PAK1: variants seen among roughly 807,000 people sequenced by gnomAD.
PAK1 encodes p21 (RAC1) activated kinase 1, also known as serine/threonine-protein kinase PAK 1.
Under a neutral mutation model 67.4 loss-of-function variants are expected in PAK1, and 29 were observed. That is an observed-to-expected ratio of 0.43 (90% CI 0.32 to 0.59). The LOEUF (loss-of-function observed/expected upper bound fraction) is 0.59, where lower values mean the gene tolerates loss of function less well. Ranked by LOEUF, PAK1 falls within the 20% of genes least tolerant of loss-of-function variation. The pLI is 0.07. For synonymous variants in PAK1, 223 were observed against 237.4 expected, an observed-to-expected ratio of 0.94 and a Z score of 0.56; for missense variants, 337 against 670.7, an observed-to-expected ratio of 0.50 and a Z score of 5.50.
chr11:77,520,827 G>A, the PAK1 span, among the ~76,000 whole-genome samples: 1 of 152,130 alleles, frequency 6.6e-6, no homozygotes, highest in Non-Finnish European at 1.5e-5. Flanking sequence ...TCTCTTCCTA[G>A]CAAATACGCG....
Position 77,426,078 on chromosome 11 carries a change from CTT to C in PAK1, c.-21-33539_-21-33538del, listed in dbSNP as rs35602138. Among the ~76,000 whole-genome samples, 319 of 117,206 alleles carry C rather than the reference CTT, an allele frequency of 2.7e-3. 4 individuals carry two copies. Among genetic ancestry groups the C allele is most frequent in the South Asian group, 0.011 (42 of 3,698 alleles). The allele number at this position is 117,206 out of a possible 152,430, so 76.9% of individuals were successfully genotyped here. On this transcript the variant is annotated intron_variant, in intron 1 of 14. Transcript: ENST00000356341. ...TTCTTGACTTTTCAATTGAAGGCCT[CTT>C]TTTTTTTTTTTTTTTTTTTTTACAC...
the PAK1 span, among the ~76,000 whole-genome samples, chr11:77,480,294 T>A: frequency 0.75 from 112,915 of 150,762 alleles, 42,876 homozygotes; most frequent in South Asian, 0.91. Flanking sequence ...CTTTTTTTTT[T>A]AAAAAAAGTA....
chr11:77,381,444 G>A (rs541574570), intron 2 of PAK1, among the ~76,000 whole-genome samples: 1 of 152,224 alleles, frequency 6.6e-6, no homozygotes, highest in Non-Finnish European at 1.5e-5. Context: ...AAATTTGGGA[G>A]CAGACTTGCC....
At chr11:77,331,283 G>T (rs1941443921) in intron 14 of PAK1, among the ~76,000 whole-genome samples, 1 of 152,160 alleles carries the variant, frequency 6.6e-6, no homozygotes, top group Non-Finnish European at 1.5e-5. Flanking sequence ...TCCCATTACT[G>T]GGTATATACC....
At chr11:77,494,096 C>T in the PAK1 span, among the ~76,000 whole-genome samples, 4 of 152,096 alleles carry the variant, frequency 2.6e-5, no homozygotes, top group Non-Finnish European at 4.4e-5. Flanking sequence ...AACATGCATA[C>T]CCTATGACCC....
chr11:77,464,726 T>C (rs2135519648), intron 1 of PAK1, among the ~76,000 whole-genome samples: 2 of 152,360 alleles, frequency 1.3e-5, no homozygotes, highest in Middle Eastern at 3.4e-3. Flanking sequence ...TAGCTCAGCC[T>C]ACCCAACCTT....
At chr11:77,486,112 T>C in the PAK1 span, among the ~76,000 whole-genome samples, 1 of 152,252 alleles carries the variant, frequency 6.6e-6, no homozygotes, top group South Asian at 2.1e-4. Context: ...GAAGCTTGAC[T>C]GATACACACC....
rs115958534 is a variant in PAK1, at chr11:77,444,411, G to A, written c.-22+29141C>T. ...GAAGCTTATATTTTTAAGTTTCCCG[G>A]GTGTGGTCATGCTCAAAAACTATTG... On this transcript the variant is annotated intron_variant, in intron 1 of 14. Transcript: ENST00000356341. Among the ~76,000 whole-genome samples, 987 of 152,064 alleles carry A rather than the reference G, an allele frequency of 6.5e-3. 22 individuals carry two copies. The highest frequency in any genetic ancestry group is 0.023 in the African/African-American group (949 of 41,476).
At chr11:77,373,139 A>G (rs150608815) in intron 5 of PAK1, among the ~76,000 whole-genome samples, 152 of 152,270 alleles carry the variant, frequency 1.0e-3, no homozygotes, top group African/African-American at 3.6e-3. Flanking sequence ...AATGTCACTT[A>G]TTCACACCGG....
At chr11:77,392,181 T>C in intron 2 of PAK1, 150 bp downstream of exon 2, 1 of 538,626 alleles carries the variant, frequency 1.9e-6, no homozygotes, top group Admixed American at 3.6e-5. Flanking sequence ...TCCATTTTGC[T>C]TCAGCCACTG....
At chr11:77,440,130 A>G (rs778647719) in intron 1 of PAK1, among the ~76,000 whole-genome samples, 20 of 152,266 alleles carry the variant, frequency 1.3e-4, no homozygotes, top group Non-Finnish European at 7.3e-5. Context: ...TAAAATGAAT[A>G]TATCAGAAAA....
At chr11:77,402,656 G>A (rs1952870260) in intron 1 of PAK1, among the ~76,000 whole-genome samples, 1 of 152,060 alleles carries the variant, frequency 6.6e-6, no homozygotes, top group South Asian at 2.1e-4. Context: ...CAACCTCCCA[G>A]GAAACAATGA....
At chr11:77,387,471 G>C (rs528842460) in intron 2 of PAK1, among the ~76,000 whole-genome samples, 1 of 152,302 alleles carries the variant, frequency 6.6e-6, no homozygotes, top group African/African-American at 2.4e-5. Flanking sequence ...AGATAATTTA[G>C]GAAGACTTAG....
chr11:77,487,900 T>C, the PAK1 span, among the ~76,000 whole-genome samples: 7 of 152,264 alleles, frequency 4.6e-5, no homozygotes, highest in East Asian at 1.4e-3. Flanking sequence ...TGGCTTCTAT[T>C]GTAGAGCCCT....
chr11:77,487,950 A>T, the PAK1 span, among the ~76,000 whole-genome samples: 2 of 152,182 alleles, frequency 1.3e-5, no homozygotes, highest in African/African-American at 4.8e-5. Flanking sequence ...GGCAGTAGTT[A>T]CTGTGGCTCT....
At chr11:77,346,549 G>A (rs1158736065) in intron 9 of PAK1, among the ~76,000 whole-genome samples, 1 of 152,136 alleles carries the variant, frequency 6.6e-6, no homozygotes, top group African/African-American at 2.4e-5. Flanking sequence ...AATGGCCAAT[G>A]CATTACTCAC....
intron 1 of PAK1, among the ~76,000 whole-genome samples, chr11:77,458,159 T>C (rs1957162936): frequency 6.6e-6 from 1 of 152,222 alleles, no homozygotes; most frequent in Admixed American, 6.5e-5. Flanking sequence ...AATTTCTTAG[T>C]AAATTTTTTT....
In PAK1 at chr11:77,353,581, C is replaced by T; in HGVS notation, c.791G>A (p.Gly264Asp). 6.2e-7 allele frequency: 1 copy of T among 1,609,926 alleles called. No homozygotes were observed. Among genetic ancestry groups the T allele is most frequent in the South Asian group, 1.1e-5 (1 of 90,980 alleles). The change falls in exon 8 of 15, where the codon GGC becomes GAC. Residue 264 changes from glycine to aspartate, a missense_variant. By Grantham distance (94) the Gly-to-Asp change is moderately conservative. Around this residue, in one of 8 missense-constraint regions of PAK1, gnomAD observed 150 missense variants for 179.0 expected, o/e 0.84. Transcript: ENST00000356341. ...LEKLRSIVSVGDPKKKYTRFE... is the reference protein window; with the variant it reads ...LEKLRSIVSVDDPKKKYTRFE... Reference sequence around the variant, plus strand: ...CCGTGTATATTTCTTCTTAGGATCGCCCACACTCACTATGCTTCCTTTGAA... The same window carrying T: ...CCGTGTATATTTCTTCTTAGGATCGTCCACACTCACTATGCTTCCTTTGAA...
rs1938658375 is a variant in PAK1 at position 77,322,462 on chromosome 11, G to A, written c.*812C>T. 5.1e-6 allele frequency: 1 copy of A among 194,428 alleles called. No individual in the cohort carries two copies. Among genetic ancestry groups the A allele is most frequent in the Non-Finnish European group, 1.1e-5 (1 of 93,166 alleles). 12.0% of individuals were successfully genotyped at this position (194,428 alleles called of 1,614,324 possible). A position where few individuals can be genotyped will look rare whatever the true frequency, so the allele number is the denominator to read the frequency against. On this transcript the variant is annotated 3_prime_UTR_variant, in exon 15 of 15. Coordinates refer to ENST00000356341, the MANE Select transcript of PAK1 (RefSeq NM_002576.5). ...CAAGTAGAGCTGGACAGGTGCTGAT[G>A]CCCAGCCTTGCTCTAAAAGTAGTCA...
Sources: gnomAD v4.1 joint callset for allele counts (sites outside exome capture counted in the v4.1 genomes callset) on GRCh38, gnomAD v4.1.1 for gene constraint, gnomAD v4.1.1 regional missense constraint, MANE v1.5 for transcripts, NCBI Gene and HGNC (gene_info 2026-07-23, HGNC 2026-07-21) for gene names.